The following ASH1L variants were observed in gnomAD, a reference collection of about 807,000 sequenced individuals.
The protein encoded by ASH1L is ASH1 like histone lysine methyltransferase.
A neutral mutation model predicts 269.0 loss-of-function variants in ASH1L; 23 were observed. The ratio of observed to expected loss-of-function variants is 0.09; its 90% confidence interval spans 0.06 to 0.12. The LOEUF (loss-of-function observed/expected upper bound fraction) is 0.12, where lower values mean the gene tolerates loss of function less well. ASH1L is among the 10% of genes least tolerant of loss of function. The probability of loss-of-function intolerance (pLI) is 1.00; values close to 1 mark genes in which losing one functional copy is unlikely to be tolerated. For synonymous variants in ASH1L, 1,187 were observed against 1,253.5 expected (o/e 0.95, Z 1.12); for missense variants, 2,912 against 3,567.8 (o/e 0.82, Z 4.68).
intron 2 of ASH1L, among the ~76,000 whole-genome samples, chr1:155,492,033 CTTTTT>C (rs747132753): frequency 2.7e-5 from 3 of 111,938 alleles, no homozygotes; most frequent in South Asian, 3.0e-4. Context: ...GTTTTGTTTA[CTTTTT>C]TTTTTTTTTT....
At chr1:155,358,406 G>T (rs921256115) in intron 13 of ASH1L, among the ~76,000 whole-genome samples, 1 of 151,964 alleles carries the variant, frequency 6.6e-6, no homozygotes, top group African/African-American at 2.4e-5. Context: ...TTTTAAAAAG[G>T]CCAGGCATGG....
chr1:155,481,658 A>C lies in ASH1L; in HGVS notation c.1212T>G (p.Ile404Met), dbSNP rs1477943025. The C allele has an allele frequency of 6.2e-7, 1 of 1,613,988 alleles. No individual in the cohort carries two copies. Among genetic ancestry groups the C allele is most frequent in the South Asian group, 1.1e-5 (1 of 91,088 alleles). Residue 404 changes from isoleucine to methionine, a missense_variant, in exon 3 of 28, where the codon ATT becomes ATG. This residue lies in a region of ASH1L where 277 missense variants were observed against 367.7 expected (regional missense o/e 0.75). Coordinates refer to ENST00000392403, the MANE Select transcript of ASH1L (RefSeq NM_018489.3). ...AAGGACAACTCATTAGTTTCTTTCC[A>C]ATGTCCTTATTAACCAATCCCATTG... ...SSAMGLVNKD[I>M]GKKLMSCPLA...
rs374652065 is a variant in ASH1L at position 155,478,883 on chromosome 1, T to G, written c.3987A>C (p.Thr1329=). 6.2e-7 allele frequency: 1 copy of G among 1,613,918 alleles called. No homozygotes were observed. The highest frequency in any genetic ancestry group is 8.5e-7 in the Non-Finnish European group (1 of 1,180,012). ...IFRINFNSFY[T]HPSFPLDPLH... is the part of the protein sequence containing the mutation. ...AAGGGTCTAAGGGGAAAGAAGGATG[T>G]GTATAGAAACTATTAAAGTTGATTC... The change falls in exon 3 of 28, where the codon ACA becomes ACC. Residue 1329 remains threonine, a synonymous_variant. Transcript: ENST00000392403. The surrounding 1 kb of genome is among the most constrained non-coding windows in gnomAD (Gnocchi z 4.6).
chr1:155,562,363 G>C lies in ASH1L; in HGVS notation c.-310C>G, dbSNP rs759067596. 4 of 1,524,422 alleles carry C rather than the reference G, an allele frequency of 2.6e-6. No individual in the cohort carries two copies. In the Admixed American group the frequency reaches 5.7e-5, roughly 22 times the overall value. The allele number at this position is 1,524,422 out of a possible 1,614,324, so 94.4% of individuals were successfully genotyped here. On this transcript the variant is annotated 5_prime_UTR_variant, in exon 1 of 28. Transcript: ENST00000392403. ...AAAGGGGGCAAACTGAGGGGAGGCG[G>C]GTCCCGCAACCGAGACTGGGATCGT...
intron 1 of ASH1L, among the ~76,000 whole-genome samples, chr1:155,529,784 T>C (rs1248754263): frequency 6.6e-6 from 1 of 152,050 alleles, no homozygotes; most frequent in African/African-American, 2.4e-5. Flanking sequence ...ATTTTTTAAA[T>C]GGTCTAAAGA....
intron 1 of ASH1L, among the ~76,000 whole-genome samples, chr1:155,555,496 CAAAAAAAAA>C (rs57151613): frequency 1.8e-5 from 1 of 55,096 alleles, no homozygotes; most frequent in Admixed American, 1.7e-4. Context: ...GACTCTGTCT[CAAAAAAAAA>C]AAAAAAAAAA....
At chr1:155,507,019 A>G (rs1292985906) in intron 2 of ASH1L, among the ~76,000 whole-genome samples, 1 of 152,228 alleles carries the variant, frequency 6.6e-6, no homozygotes, top group Non-Finnish European at 1.5e-5. Context: ...GCAGTGGCTC[A>G]CGCCTGTAAT....
chr1:155,541,405 A>C (rs1228306669), intron 1 of ASH1L, among the ~76,000 whole-genome samples: 1 of 152,086 alleles, frequency 6.6e-6, no homozygotes, highest in Non-Finnish European at 1.5e-5. Context: ...GTGCTTTCCA[A>C]AGGTAAAAGA....
In ASH1L at chr1:155,335,555, G is replaced by T. The variant is rs1289787000; in HGVS notation, c.*2105C>A. ...CCAAAACCCGCCTGGCAGCTGGGGG[G>T]TTCTTTTTATTTCGTTATTATAAAA... On this transcript the variant is annotated 3_prime_UTR_variant, in exon 28 of 28. Transcript: ENST00000392403. 1.3e-5 allele frequency: 2 copies of T among 152,512 alleles called. No individual in the cohort carries two copies. Among genetic ancestry groups the T allele is most frequent in the Admixed American group, 1.3e-4 (2 of 15,244 alleles). 9.4% of individuals were successfully genotyped at this position (152,512 alleles called of 1,614,324 possible).
At chr1:155,350,401 T>A (rs1048022509) in intron 17 of ASH1L, among the ~76,000 whole-genome samples, 1 of 152,126 alleles carries the variant, frequency 6.6e-6, no homozygotes, top group Non-Finnish European at 1.5e-5. Context: ...AAATGACAAT[T>A]CTAAGATTGT....
At chr1:155,546,276 A>G (rs1426884693) in intron 1 of ASH1L, among the ~76,000 whole-genome samples, 1 of 151,564 alleles carries the variant, frequency 6.6e-6, no homozygotes, top group Non-Finnish European at 1.5e-5. Context: ...GCTTGCAATG[A>G]GCCGATATCG....
chr1:155,400,966 C>A (rs1367992852), intron 6 of ASH1L, among the ~76,000 whole-genome samples: 2 of 151,524 alleles, frequency 1.3e-5, no homozygotes, highest in East Asian at 3.9e-4. Context: ...TTGAGACCAG[C>A]CTTGGCCAAG....
At chr1:155,518,690 T>C (rs946868559) in intron 2 of ASH1L, among the ~76,000 whole-genome samples, 1 of 2,338 alleles carries the variant, frequency 4.3e-4, no homozygotes, top group Admixed American at 6.0e-3. Flanking sequence ...ACGGGGGCGG[T>C]GGGGGGGCGG....
intron 1 of ASH1L, among the ~76,000 whole-genome samples, chr1:155,555,608 T>C (rs2148921167): frequency 6.6e-6 from 1 of 152,308 alleles, no homozygotes; most frequent in East Asian, 1.9e-4. Context: ...AAGAAACCCT[T>C]TGTTTCTCTC....
At chr1:155,428,647 G>C (rs913909393) in intron 5 of ASH1L, among the ~76,000 whole-genome samples, 2 of 152,112 alleles carry the variant, frequency 1.3e-5, no homozygotes, top group African/African-American at 4.8e-5. Flanking sequence ...CCGCTTAAAG[G>C]CGTTCTTAAA....
At chr1:155,344,371 G>A in intron 21 of ASH1L, 98 bp from the exon 22 acceptor site, 1 of 913,428 alleles carries the variant, frequency 1.1e-6, no homozygotes, top group Non-Finnish European at 1.7e-6. Context: ...TTACTGTTTA[G>A]TCATTTCAAT....
intron 6 of ASH1L, among the ~76,000 whole-genome samples, chr1:155,411,598 T>A (rs886301487): frequency 0.033 from 2,525 of 77,530 alleles, 173 homozygotes; most frequent in Non-Finnish European, 0.052. Context: ...TATATATATA[T>A]ATATATATAT....
intron 5 of ASH1L, chr1:155,434,095 C>T: frequency 2.5e-6 from 4 of 1,592,380 alleles, no homozygotes; most frequent in Non-Finnish European, 3.4e-6. Flanking sequence ...GGTCTCCTTT[C>T]TCAGGGGTAC....
chr1:155,514,578 T>C (rs967662598), intron 2 of ASH1L, among the ~76,000 whole-genome samples: 1 of 152,070 alleles, frequency 6.6e-6, no homozygotes, highest in Non-Finnish European at 1.5e-5. Context: ...TTTTAGACTA[T>C]GGAAATGTTA....
Sources: allele counts gnomAD v4.1 joint callset (sites outside exome capture counted in the v4.1 genomes callset), GRCh38; gene constraint gnomAD v4.1.1; regional missense constraint gnomAD v4.1.1; non-coding constraint Gnocchi (gnomAD v3.1); transcripts MANE v1.5; gene names NCBI Gene and HGNC (gene_info 2026-07-23, HGNC 2026-07-21).